The following BLK variants were observed in gnomAD, a reference collection of about 807,000 sequenced individuals.
The protein encoded by BLK is BLK proto-oncogene, Src family tyrosine kinase, also known as tyrosine-protein kinase Blk.
A neutral mutation model predicts 61.8 loss-of-function variants in BLK; 64 were observed. The observed-to-expected ratio is 1.03, with a 90% confidence interval of 0.85 to 1.27. The LOEUF (loss-of-function observed/expected upper bound fraction) is 1.27, where lower values mean the gene tolerates loss of function less well. BLK is among the 50% of genes most tolerant of loss of function. The pLI is 0.00. For synonymous variants in BLK, 351 were observed against 272.0 expected (o/e 1.29, Z -2.86); for missense variants, 853 against 660.5 (o/e 1.29, Z -3.19).
chr8:11,530,355 G>A (rs1436322725), intron 1 of BLK, among the ~76,000 whole-genome samples: 1 of 152,184 alleles, frequency 6.6e-6, no homozygotes, highest in Non-Finnish European at 1.5e-5. Context: ...CACAGGTCGG[G>A]AATCCTGTAC....
rs558910045 is a variant in BLK at position 11,519,937 on chromosome 8, G to T, written c.-1-23287G>T. Among the ~76,000 whole-genome samples, 4 of 152,222 alleles carry T rather than the reference G, an allele frequency of 2.6e-5. No homozygotes were observed. In the South Asian group the frequency reaches 8.3e-4, roughly 32 times the overall value. ...TCACAGAGATTGCCTCTGGGTATTG[G>T]GGTTCTGGGAAACGTTTTCTTTATA... On this transcript the variant is annotated intron_variant, in intron 1 of 12. Coordinates refer to ENST00000259089, the MANE Select transcript of BLK (RefSeq NM_001715.3).
chr8:11,549,196 C>A (rs377518137), intron 5 of BLK, 74 bp downstream of exon 5: 2 of 1,384,138 alleles, frequency 1.4e-6, no homozygotes, highest in East Asian at 4.9e-5. Flanking sequence ...TTAGGCAGGG[C>A]AGGGCCAGAG....
intron 11 of BLK, among the ~76,000 whole-genome samples, chr8:11,562,751 A>T (rs1040498068): frequency 6.6e-6 from 1 of 152,108 alleles, no homozygotes; most frequent in African/African-American, 2.4e-5. Context: ...ACTGTGTGGT[A>T]TTGGTGTCCA....
intron 1 of BLK, among the ~76,000 whole-genome samples, chr8:11,531,601 T>A (rs528616775): frequency 6.6e-6 from 1 of 152,212 alleles, no homozygotes; most frequent in African/African-American, 2.4e-5. Flanking sequence ...TATTCTTGAG[T>A]CTTCGGGTCT....
At chr8:11,527,622 G>A (rs1435821520) in intron 1 of BLK, among the ~76,000 whole-genome samples, 1 of 151,956 alleles carries the variant, frequency 6.6e-6, no homozygotes, top group African/African-American at 2.4e-5. Flanking sequence ...TAGATAATGG[G>A]TGTTGCTGAT....
chr8:11,536,652 C>T (rs1023903433), intron 1 of BLK, among the ~76,000 whole-genome samples: 1 of 152,152 alleles, frequency 6.6e-6, no homozygotes, highest in African/African-American at 2.4e-5. Context: ...AAATGATCTC[C>T]CACCTCAACC....
At chr8:11,561,563 T>A (rs1000547640) in intron 11 of BLK, 111 bp downstream of exon 11, 1 of 1,384,794 alleles carries the variant, frequency 7.2e-7, no homozygotes, top group African/African-American at 1.4e-5. Context: ...ACCTGAGGGC[T>A]ATACGGTTTC....
rs546434450 is a variant in BLK at position 11,547,132 on chromosome 8, A to C, written c.176-900A>C. Among the ~76,000 whole-genome samples the C allele has an allele frequency of 2.0e-4, 31 of 152,386 alleles. 1 individual carries two copies. In the South Asian group the frequency reaches 6.0e-3, roughly 29 times the overall value. Reference sequence around the variant, plus strand: ...AGCACACAGAGCCCAGCTCTGTCCCAGGAATGGCGAAGGGGTGACAACAGG... The same window carrying C: ...AGCACACAGAGCCCAGCTCTGTCCCCGGAATGGCGAAGGGGTGACAACAGG... On this transcript the variant is annotated intron_variant, in intron 3 of 12. Coordinates refer to ENST00000259089, the MANE Select transcript of BLK (RefSeq NM_001715.3).
At chr8:11,554,910 G>A (rs776079754) in intron 7 of BLK, 21 bp downstream of exon 7, 17 of 1,609,364 alleles carry the variant, frequency 1.1e-5, no homozygotes, top group Non-Finnish European at 1.4e-5. Flanking sequence ...GCGTGCAATG[G>A]GGGCAGGGAC....
chr8:11,549,919 T>C lies in BLK; in HGVS notation c.369-240T>C, dbSNP rs1469484775. ...ATTAACAAAGGTCAACCAACTAGTG[T>C]TCTTGTTTCGTTCTAGGAAAACAGT... On this transcript the variant is annotated intron_variant, in intron 5 of 12. Transcript: ENST00000259089. 1.8e-5 allele frequency: 10 copies of C among 551,330 alleles called. No homozygotes were observed. The South Asian group carries it at 1.9e-4, about 11-fold the overall frequency. The allele number at this position is 551,330 out of a possible 1,614,324, so 34.2% of individuals were successfully genotyped here.
chr8:11,500,183 G>C (rs1798502482), intron 1 of BLK, among the ~76,000 whole-genome samples: 1 of 152,022 alleles, frequency 6.6e-6, no homozygotes, highest in African/African-American at 2.4e-5. Context: ...GATTGATTTG[G>C]GGGGTGTTTG....
intron 1 of BLK, among the ~76,000 whole-genome samples, chr8:11,515,531 T>C (rs1799190047): frequency 1.3e-5 from 2 of 152,224 alleles, no homozygotes; most frequent in African/African-American, 4.8e-5. Context: ...GGCATTCTTT[T>C]ACTGTCTTTG....
chr8:11,523,847 T>C (rs1398263622), intron 1 of BLK, among the ~76,000 whole-genome samples: 1 of 152,112 alleles, frequency 6.6e-6, no homozygotes, highest in East Asian at 1.9e-4. Flanking sequence ...TTGTTTTTTT[T>C]TTTTTTAATT....
chr8:11,547,968 AC>A lies in BLK; in HGVS notation c.176-60del, dbSNP rs957601742. The A allele has an allele frequency of 3.6e-6, 5 of 1,407,984 alleles. No homozygotes were observed. In the African/African-American group the frequency reaches 4.3e-5, roughly 12 times the overall value. 87.2% of individuals were successfully genotyped at this position (1,407,984 alleles called of 1,614,324 possible). A position where few individuals can be genotyped will look rare whatever the true frequency, so the allele number is the denominator to read the frequency against. On this transcript the variant is annotated intron_variant, in intron 3 of 12. Transcript: ENST00000259089. ...CCTGTCCTCCTTGGTAGCCAGGCTC[AC>A]CCCAGCCCCACCTTCCCGCTTGTGG...
At chr8:11,495,924 T>C (rs554126879) in intron 1 of BLK, among the ~76,000 whole-genome samples, 23 of 152,280 alleles carry the variant, frequency 1.5e-4, no homozygotes, top group Non-Finnish European at 2.5e-4. Flanking sequence ...CCCTTGTAAT[T>C]TTTCTCCAAA....
chr8:11,531,994 G>A (rs1467407019), intron 1 of BLK, among the ~76,000 whole-genome samples: 1 of 152,032 alleles, frequency 6.6e-6, no homozygotes, highest in Non-Finnish European at 1.5e-5. Context: ...AAGTAGCTGT[G>A]ATTACAGGCA....
At chr8:11,534,144 A>C (rs1280334254) in intron 1 of BLK, among the ~76,000 whole-genome samples, 1 of 152,236 alleles carries the variant, frequency 6.6e-6, no homozygotes, top group East Asian at 1.9e-4. Flanking sequence ...TTAAAATACA[A>C]ACTGAGGTTT....
intron 1 of BLK, chr8:11,509,349 G>A (rs1340237719): frequency 2.0e-5 from 3 of 152,102 alleles, no homozygotes; most frequent in African/African-American, 4.8e-5. Flanking sequence ...TGTTGCCCTG[G>A]ACAGGTCATT....
intron 6 of BLK, 106 bp downstream of exon 6, chr8:11,550,368 A>G: frequency 1.9e-6 from 2 of 1,078,592 alleles, no homozygotes; most frequent in Non-Finnish European, 2.8e-6. Flanking sequence ...TGCCAGGAGA[A>G]CCAGCAGCTT....
Sources: allele counts gnomAD v4.1 joint callset (sites outside exome capture counted in the v4.1 genomes callset), GRCh38; gene constraint gnomAD v4.1.1; transcripts MANE v1.5; gene names NCBI Gene and HGNC (gene_info 2026-07-23, HGNC 2026-07-21).